PPP5C: variants seen among roughly 807,000 people sequenced by gnomAD.
PPP5C encodes the protein serine/threonine-protein phosphatase 5.
In PPP5C, 21 loss-of-function variants were observed where a neutral mutation model predicts 66.7. The ratio of observed to expected loss-of-function variants is 0.31; its 90% CI spans 0.22 to 0.45. The LOEUF is 0.45. Ranked by LOEUF, PPP5C falls within the 20% of genes least tolerant of loss-of-function variation. PPP5C has a pLI of 1.00. For missense variants in PPP5C, 464 were observed against 675.9 expected, an observed-to-expected ratio of 0.69 and a Z score of 3.48; for synonymous variants, 246 against 257.4, an observed-to-expected ratio of 0.96 and a Z score of 0.43.
At chr19:46,369,435 A>C (rs1972545039) in intron 2 of PPP5C, among the ~76,000 whole-genome samples, 1 of 152,154 alleles carries the variant, frequency 6.6e-6, no homozygotes, top group African/African-American at 2.4e-5. Context: ...GATCAAGACC[A>C]TCCTGGCCAA....
rs1601436234 is a variant in PPP5C at position 46,377,174 on chromosome 19, C to T, written c.633+600C>T. On this transcript the variant is annotated intron_variant, in intron 4 of 12. Transcript: ENST00000012443. ...GTGAGTCAGGTTGACAGGCAGGTGA[C>T]TCTTACAGGAGTGTGCAGGCAATAT... 2.6e-5 allele frequency among the ~76,000 whole-genome samples: 4 copies of T among 152,252 alleles called. No homozygotes were observed. In the South Asian group the frequency reaches 6.2e-4, roughly 24 times the overall value.
chr19:46,384,059 A>T, intron 6 of PPP5C, 181 bp downstream of exon 6: 1 of 602,634 alleles, frequency 1.7e-6, no homozygotes, highest in Non-Finnish European at 2.9e-6. Context: ...CCCAGGCTCC[A>T]GGCTCGGACA....
In PPP5C at chr19:46,388,312, G is replaced by T; in HGVS notation, c.1136-96G>T. Reference sequence around the variant, plus strand: ...GCCCAACACCCACCCAGGCTGGGCTGTGGGGTCAGCACCTGGCCGGGCCAG... The same window carrying T: ...GCCCAACACCCACCCAGGCTGGGCTTTGGGGTCAGCACCTGGCCGGGCCAG... On this transcript the variant is annotated intron_variant, in intron 9 of 12. Transcript: ENST00000012443. The surrounding 1 kb of genome is among the most constrained non-coding windows in gnomAD (Gnocchi z 4.9). 7.4e-7 allele frequency: 1 copy of T among 1,350,882 alleles called. No individual in the cohort carries two copies. Among genetic ancestry groups the T allele is most frequent in the Non-Finnish European group, 1.0e-6 (1 of 993,758 alleles). The allele number at this position is 1,350,882 out of a possible 1,614,324, so 83.7% of individuals were successfully genotyped here. A position where few individuals can be genotyped will look rare whatever the true frequency, so the allele number is the denominator to read the frequency against.
chr19:46,386,424 C>T (rs377358314), intron 7 of PPP5C, among the ~76,000 whole-genome samples: 7 of 152,134 alleles, frequency 4.6e-5, no homozygotes, highest in African/African-American at 1.2e-4. Context: ...CTGTGGGCCT[C>T]GTTGCAGGAG....
intron 2 of PPP5C, among the ~76,000 whole-genome samples, chr19:46,368,930 A>AT (rs1972536476): frequency 1.3e-5 from 2 of 152,276 alleles, no homozygotes; most frequent in African/African-American, 4.8e-5. Context: ...CTTCATGGGG[A>AT]TCTTGATCAC....
Position 46,384,839 on chromosome 19 carries a change from C to T in PPP5C, c.834C>T (p.Phe278=), listed in dbSNP as rs1279694784. 2.5e-6 allele frequency: 4 copies of T among 1,614,146 alleles called. No individual in the cohort carries two copies. Among genetic ancestry groups the T allele is most frequent in the Middle Eastern group, 1.6e-4 (1 of 6,062 alleles). Reference sequence around the variant, plus strand: ...GTGACTTTGTGGACCGAGGCTCCTTCTCTGTAGAAGTGATCCTCACCCTTT... The same window carrying T: ...GTGACTTTGTGGACCGAGGCTCCTTTTCTGTAGAAGTGATCCTCACCCTTT... ...FNGDFVDRGS[F]SVEVILTLFG... Residue 278 remains phenylalanine, a synonymous_variant, in exon 7 of 13, where the codon TTC becomes TTT. Transcript: ENST00000012443.
At chr19:46,377,730 T>A (rs1289849543) in intron 4 of PPP5C, among the ~76,000 whole-genome samples, 1 of 152,240 alleles carries the variant, frequency 6.6e-6, no homozygotes, top group East Asian at 1.9e-4. Context: ...TGGTTTTGAA[T>A]TTCATTTCAA....
rs772713192 is a variant in PPP5C at position 46,388,379 on chromosome 19, T to G, written c.1136-29T>G. 1 of 1,601,766 alleles carries G rather than the reference T, an allele frequency of 6.2e-7. No individual in the cohort carries two copies. Among genetic ancestry groups the G allele is most frequent in the Middle Eastern group, 1.9e-4 (1 of 5,154 alleles). ...GACCACCCCCGGGGAGGTGGACGAG[T>G]CCCTAATGTTTCCCTCGCTCCCCAC... On this transcript the variant is annotated intron_variant, in intron 9 of 12. Coordinates refer to ENST00000012443, the MANE Select transcript of PPP5C (RefSeq NM_006247.4). This position sits in a 1 kb window ranked among gnomAD's most constrained non-coding sequence, Gnocchi z 4.9.
intron 4 of PPP5C, among the ~76,000 whole-genome samples, chr19:46,379,061 G>A (rs944198058): frequency 2.6e-5 from 4 of 151,918 alleles, no homozygotes; most frequent in South Asian, 2.1e-4. Context: ...TTTTTGTTTC[G>A]TTTTGTTTTT....
At chr19:46,380,250 G>A (rs1468868011) in intron 4 of PPP5C, among the ~76,000 whole-genome samples, 1 of 152,086 alleles carries the variant, frequency 6.6e-6, no homozygotes, top group Non-Finnish European at 1.5e-5. Flanking sequence ...AACCCAGGAG[G>A]TGGAGGTTGC....
At chr19:46,387,847 G>A in intron 9 of PPP5C, 2 of 815,726 alleles carry the variant, frequency 2.5e-6, no homozygotes, top group Non-Finnish European at 3.3e-6. Flanking sequence ...GATTGGGTGG[G>A]CTGGTGCTGG....
chr19:46,358,455 T>G (rs1244455174), intron 2 of PPP5C, among the ~76,000 whole-genome samples: 1 of 152,214 alleles, frequency 6.6e-6, no homozygotes, highest in Non-Finnish European at 1.5e-5. Flanking sequence ...ATGTCACCCT[T>G]GTTCTGAGCC....
In PPP5C at chr19:46,383,618, C is replaced by T; in HGVS notation, c.699+142C>T. 2 of 1,043,166 alleles carry T rather than the reference C, an allele frequency of 1.9e-6. No homozygotes were observed. Among genetic ancestry groups the T allele is most frequent in the Non-Finnish European group, 2.8e-6 (2 of 714,982 alleles). 64.6% of individuals were successfully genotyped at this position (1,043,166 alleles called of 1,614,324 possible). A position where few individuals can be genotyped will look rare whatever the true frequency, so the allele number is the denominator to read the frequency against. On this transcript the variant is annotated intron_variant, in intron 5 of 12. Coordinates refer to ENST00000012443, the MANE Select transcript of PPP5C (RefSeq NM_006247.4). This position sits in a 1 kb window ranked among gnomAD's most constrained non-coding sequence, Gnocchi z 5.0. Reference sequence around the variant, plus strand: ...CCTGTGCCTTTCCTCCTGAATATCCCATTTCTCTCCTGGCCTCTTGGTCTT... The same window carrying T: ...CCTGTGCCTTTCCTCCTGAATATCCTATTTCTCTCCTGGCCTCTTGGTCTT...
intron 2 of PPP5C, among the ~76,000 whole-genome samples, chr19:46,367,530 A>G (rs1469270968): frequency 1.3e-5 from 2 of 152,168 alleles, no homozygotes; most frequent in East Asian, 1.9e-4. Flanking sequence ...GCTTAGGGAA[A>G]TTGTAATGCT....
rs1568579383 is a variant in PPP5C at position 46,388,882 on chromosome 19, ATGCAGCACCAGTG to A, written c.1355+152_1355+164del. ...ACACCCCCGTATGTGTCACCCACCC[ATGCAGCACCAGTG>A]GGGCCAGCCTGTGAGTGCTGACCAG... On this transcript the variant is annotated intron_variant, in intron 11 of 12. Coordinates refer to ENST00000012443, the MANE Select transcript of PPP5C (RefSeq NM_006247.4). This position sits in a 1 kb window ranked among gnomAD's most constrained non-coding sequence, Gnocchi z 4.9. The A allele has an allele frequency of 1.0e-6, 1 of 983,970 alleles. No homozygotes were observed. The highest frequency in any genetic ancestry group is 1.5e-6 in the Non-Finnish European group (1 of 680,470). 61.0% of individuals were successfully genotyped at this position (983,970 alleles called of 1,614,324 possible). A position where few individuals can be genotyped will look rare whatever the true frequency, so the allele number is the denominator to read the frequency against.
At chr19:46,390,208 A>G (rs2311213) in intron 12 of PPP5C, 76 bp downstream of exon 12, 1,552,827 of 1,607,214 alleles carry the variant, frequency 0.97, 750,332 homozygotes, top group East Asian at 1. Context: ...GGTAAGGGGC[A>G]GGGGTAGGTT....
rs1339348338 is a variant in PPP5C at position 46,353,851 on chromosome 19, T to C, written c.225T>C (p.Thr75=). The C allele has an allele frequency of 6.2e-7, 1 of 1,611,674 alleles. No homozygotes were observed. Among genetic ancestry groups the C allele is most frequent in the Non-Finnish European group, 8.5e-7 (1 of 1,179,066 alleles). ...YGNRSLAYLR[T]ECYGYALGDA... ...ACCGCAGCCTGGCCTACCTGCGCAC[T>C]GAGTGCTATGGCTACGCGCTGGGAG... is the stretch of plus-strand genomic sequence containing the variant. Residue 75 remains threonine, a synonymous_variant, in exon 2 of 13, where the codon ACT becomes ACC. Coordinates refer to ENST00000012443, the MANE Select transcript of PPP5C (RefSeq NM_006247.4).
At chr19:46,363,307 CAAAAAAAAAAAAAAAAA>C (rs1158423038) in intron 2 of PPP5C, among the ~76,000 whole-genome samples, 48 of 27,936 alleles carry the variant, frequency 1.7e-3, no homozygotes, top group East Asian at 8.2e-3. Context: ...GACTCCATCT[CAAAAAAAAAAAAAAAAA>C]AAAAAAAAAA....
intron 2 of PPP5C, among the ~76,000 whole-genome samples, chr19:46,372,038 A>G (rs2073038430): frequency 2.6e-5 from 4 of 152,192 alleles, no homozygotes; most frequent in African/African-American, 9.7e-5. Context: ...CTGAACTACT[A>G]AGAAGCTGCT....
Sources: gnomAD v4.1 joint callset for allele counts (sites outside exome capture counted in the v4.1 genomes callset) on GRCh38, gnomAD v4.1.1 for gene constraint, Gnocchi (gnomAD v3.1) non-coding constraint, MANE v1.5 for transcripts, NCBI Gene and HGNC (gene_info 2026-07-23, HGNC 2026-07-21) for gene names.